MARCHF3: variants seen among roughly 807,000 people sequenced by gnomAD.
MARCHF3 encodes E3 ubiquitin-protein ligase MARCHF3.
In MARCHF3, 13 loss-of-function variants were observed where a neutral mutation model predicts 24.2. That is an observed-to-expected ratio of 0.54 (90% CI 0.35 to 0.85). The LOEUF (loss-of-function observed/expected upper bound fraction) is 0.85, where lower values mean the gene tolerates loss of function less well. Ranked by LOEUF, MARCHF3 falls within the 40% of genes least tolerant of loss-of-function variation. The probability of loss-of-function intolerance (pLI) is 0.01; values close to 1 mark genes in which losing one functional copy is unlikely to be tolerated. For synonymous variants in MARCHF3, 144 were observed against 137.3 expected (o/e 1.05, Z -0.34); for missense variants, 276 against 325.0 (o/e 0.85, Z 1.16).
chr5:126,876,527 G>T (rs1000702266), intron 4 of MARCHF3, among the ~76,000 whole-genome samples: 1 of 152,154 alleles, frequency 6.6e-6, no homozygotes, highest in African/African-American at 2.4e-5. Context: ...CTGTTGACCA[G>T]GAGTTAGATA....
At chr5:126,988,696 G>A (rs550921021) in intron 1 of MARCHF3, among the ~76,000 whole-genome samples, 27 of 152,086 alleles carry the variant, frequency 1.8e-4, no homozygotes, top group Admixed American at 1.6e-3. Context: ...GAAGGGAGAA[G>A]GATTATGAAC....
At chr5:127,015,131 G>A (rs1752597632) in intron 1 of MARCHF3, among the ~76,000 whole-genome samples, 1 of 152,054 alleles carries the variant, frequency 6.6e-6, no homozygotes, top group South Asian at 2.1e-4. Context: ...AAATAAATTT[G>A]AGAAATTACT....
At chr5:126,984,441 G>A (rs1430796198) in intron 1 of MARCHF3, among the ~76,000 whole-genome samples, 1 of 152,132 alleles carries the variant, frequency 6.6e-6, no homozygotes, top group African/African-American at 2.4e-5. Flanking sequence ...AGGAGGTCAC[G>A]TCCCACAGGT....
At chr5:126,956,209 G>C (rs931759043) in intron 1 of MARCHF3, among the ~76,000 whole-genome samples, 2 of 152,040 alleles carry the variant, frequency 1.3e-5, no homozygotes, top group African/African-American at 4.8e-5. Flanking sequence ...CATCTGTACC[G>C]CAACCTAACG....
At chr5:126,926,309 T>A (rs777518668) in intron 1 of MARCHF3, among the ~76,000 whole-genome samples, 3 of 152,146 alleles carry the variant, frequency 2.0e-5, no homozygotes, top group Non-Finnish European at 2.9e-5. Flanking sequence ...CAGTCTAAAC[T>A]CTGCATTCCA....
chr5:127,001,702 C>T (rs1410534054), intron 1 of MARCHF3, among the ~76,000 whole-genome samples: 2 of 152,194 alleles, frequency 1.3e-5, no homozygotes, highest in Non-Finnish European at 2.9e-5. Context: ...CTGTGGTAAC[C>T]TCCTAATGGG....
At chr5:126,970,531 G>A (rs1473777121) in intron 1 of MARCHF3, among the ~76,000 whole-genome samples, 1 of 151,006 alleles carries the variant, frequency 6.6e-6, no homozygotes, top group Non-Finnish European at 1.5e-5. Flanking sequence ...CATCAGCTAT[G>A]GGTTAGGAAT....
At chr5:126,956,672 C>CAAAAAAAAA (rs1561446087) in intron 1 of MARCHF3, among the ~76,000 whole-genome samples, 2 of 115,872 alleles carry the variant, frequency 1.7e-5, no homozygotes, top group Admixed American at 8.2e-5. Flanking sequence ...AAAAAAAAAA[C>CAAAAAAAAA]CAAAAAAACA....
At chr5:126,961,807 G>GC (rs1750646178) in intron 1 of MARCHF3, among the ~76,000 whole-genome samples, 1 of 152,078 alleles carries the variant, frequency 6.6e-6, no homozygotes, top group Non-Finnish European at 1.5e-5. Flanking sequence ...GGGGCAACCG[G>GC]CCCCCAGGCA....
intron 3 of MARCHF3, among the ~76,000 whole-genome samples, chr5:126,909,506 AG>A (rs1377944631): frequency 6.6e-6 from 1 of 152,236 alleles, no homozygotes; most frequent in African/African-American, 2.4e-5. Context: ...AGCCACGCAC[AG>A]GATATAATCT....
At chr5:126,925,259 G>A (rs1200536378) in intron 1 of MARCHF3, among the ~76,000 whole-genome samples, 1 of 152,158 alleles carries the variant, frequency 6.6e-6, no homozygotes, top group Non-Finnish European at 1.5e-5. Flanking sequence ...CATAAAGCAA[G>A]TTGGATCCGG....
At chr5:126,990,137 C>T (rs1287160097) in intron 1 of MARCHF3, among the ~76,000 whole-genome samples, 1 of 144,540 alleles carries the variant, frequency 6.9e-6, no homozygotes, top group African/African-American at 2.6e-5. Flanking sequence ...CACTACCTGA[C>T]TTCAAACTAT....
chr5:126,975,802 A>G (rs889624195), intron 1 of MARCHF3, among the ~76,000 whole-genome samples: 1 of 152,256 alleles, frequency 6.6e-6, no homozygotes, highest in Non-Finnish European at 1.5e-5. Flanking sequence ...TGATGATTCA[A>G]AACTCAAACC....
intron 2 of MARCHF3, among the ~76,000 whole-genome samples, chr5:126,916,675 T>TGACAGACAGACA (rs1336046227): frequency 8.9e-6 from 1 of 112,236 alleles, no homozygotes; most frequent in African/African-American, 3.2e-5. Context: ...TAAAAATACC[T>TGACAGACAGACA]GACAGACAGA....
rs759577287 is a variant in MARCHF3, at chr5:126,897,045, A to ATTTTTTTTTTTTTTTTTTTTTT, written c.393+17884_393+17885insAAAAAAAAAAAAAAAAAAAAAA. ...CAATCCAACTTTCTGAAGTTTGAGAATTTTTTTTTTTGAGATGGAGTTTCA... is the reference window on the plus strand; with the variant it reads ...CAATCCAACTTTCTGAAGTTTGAGAATTTTTTTTTTTTTTTTTTTTTTTTTTTTTTTTTGAGATGGAGTTTCA... On this transcript the variant is annotated intron_variant, in intron 3 of 4. Transcript: ENST00000308660. Among the ~76,000 whole-genome samples, 73 of 116,396 alleles carry ATTTTTTTTTTTTTTTTTTTTTT rather than the reference A, an allele frequency of 6.3e-4. 4 individuals are homozygous for ATTTTTTTTTTTTTTTTTTTTTT. Among genetic ancestry groups the ATTTTTTTTTTTTTTTTTTTTTT allele is most frequent in the East Asian group, 1.8e-3 (6 of 3,330 alleles). 76.4% of individuals were successfully genotyped at this position (116,396 alleles called of 152,430 possible).
chr5:126,983,951 T>C (rs1432614053), intron 1 of MARCHF3, among the ~76,000 whole-genome samples: 1 of 152,196 alleles, frequency 6.6e-6, no homozygotes, highest in African/African-American at 2.4e-5. Context: ...GAAGCCACTA[T>C]CATACAACTA....
At chr5:126,998,619 G>A (rs923430796) in intron 1 of MARCHF3, among the ~76,000 whole-genome samples, 2 of 152,166 alleles carry the variant, frequency 1.3e-5, no homozygotes, top group Non-Finnish European at 2.9e-5. Flanking sequence ...GGGAGGTGGG[G>A]TAAGGGAAGG....
chr5:126,980,933 A>G (rs544732357), intron 1 of MARCHF3, among the ~76,000 whole-genome samples: 1 of 152,358 alleles, frequency 6.6e-6, no homozygotes, highest in African/African-American at 2.4e-5. Context: ...GTGGATTTCC[A>G]ATATTCCATC....
chr5:126,935,845 A>C (rs1165822325), intron 1 of MARCHF3, among the ~76,000 whole-genome samples: 1 of 152,036 alleles, frequency 6.6e-6, no homozygotes, highest in Non-Finnish European at 1.5e-5. Context: ...TCCTGACCTC[A>C]GGTGATCCAC....
Sources: allele counts gnomAD v4.1 joint callset (sites outside exome capture counted in the v4.1 genomes callset), GRCh38; gene constraint gnomAD v4.1.1; transcripts MANE v1.5; gene names NCBI Gene and HGNC (gene_info 2026-07-23, HGNC 2026-07-21).